PALM2AKAP2: variants seen among roughly 807,000 people sequenced by gnomAD.
PALM2AKAP2 encodes PALM2 and AKAP2 fusion.
In PALM2AKAP2, 37 loss-of-function variants were observed where a neutral mutation model predicts 71.5. The observed-to-expected ratio is 0.52, with a 90% confidence interval of 0.40 to 0.68. The LOEUF is 0.68. PALM2AKAP2 is among the 30% of genes least tolerant of loss of function. PALM2AKAP2 has a pLI of 0.00. For synonymous variants in PALM2AKAP2, 468 were observed against 478.8 expected, an observed-to-expected ratio of 0.98 and a Z score of 0.29; for missense variants, 1,224 against 1,191.8, an observed-to-expected ratio of 1.03 and a Z score of -0.40.
At chr9:110,061,060 A>G (rs1833955391) in intron 1 of PALM2AKAP2, among the ~76,000 whole-genome samples, 2 of 152,124 alleles carry the variant, frequency 1.3e-5, no homozygotes, top group African/African-American at 4.8e-5. Flanking sequence ...CACACCTTCT[A>G]AAGTACCTTG....
intron 1 of PALM2AKAP2, among the ~76,000 whole-genome samples, chr9:109,753,608 C>G (rs1828916937): frequency 6.6e-6 from 1 of 152,166 alleles, no homozygotes; most frequent in Non-Finnish European, 1.5e-5. Context: ...AGCACCTTTG[C>G]AAGTGTGTGT....
intron 1 of PALM2AKAP2, among the ~76,000 whole-genome samples, chr9:109,734,788 T>C (rs1394769598): frequency 6.6e-6 from 1 of 152,154 alleles, no homozygotes; most frequent in African/African-American, 2.4e-5. Context: ...ATTGCCCAGA[T>C]TGTAGGTTAC....
chr9:109,818,074 G>A (rs917019591), intron 1 of PALM2AKAP2, among the ~76,000 whole-genome samples: 1 of 152,160 alleles, frequency 6.6e-6, no homozygotes, highest in Admixed American at 6.5e-5. Flanking sequence ...CCTAGTGGAG[G>A]GAATTTCTTA....
intron 1 of PALM2AKAP2, among the ~76,000 whole-genome samples, chr9:110,114,821 A>G (rs1312115171): frequency 6.6e-6 from 1 of 152,214 alleles, no homozygotes; most frequent in African/African-American, 2.4e-5. Context: ...TCCTGTTTCC[A>G]TAATCAGTAT....
intron 1 of PALM2AKAP2, among the ~76,000 whole-genome samples, chr9:109,846,922 C>T (rs1054038512): frequency 3.3e-5 from 5 of 152,178 alleles, no homozygotes; most frequent in Non-Finnish European, 5.9e-5. Flanking sequence ...GACAGCACTT[C>T]GTCATTTGAA....
At chr9:109,677,404 A>G (rs1411146942) in intron 1 of PALM2AKAP2, among the ~76,000 whole-genome samples, 1 of 152,132 alleles carries the variant, frequency 6.6e-6, no homozygotes, top group Non-Finnish European at 1.5e-5. Context: ...GCGGTGGCTC[A>G]TGCCTGTAAT....
chr9:109,684,057 C>G (rs745881410), intron 1 of PALM2AKAP2, among the ~76,000 whole-genome samples: 3 of 152,172 alleles, frequency 2.0e-5, no homozygotes, highest in Middle Eastern at 3.4e-3. Context: ...ATGTCGCCAG[C>G]CTCTTTTGCT....
intron 6 of PALM2AKAP2, among the ~76,000 whole-genome samples, chr9:109,986,555 G>A (rs1019047954): frequency 6.6e-6 from 1 of 152,120 alleles, no homozygotes; most frequent in African/African-American, 2.4e-5. Context: ...CAGTGCTACG[G>A]CTTCTCTGAC....
At chr9:109,711,912 T>G (rs1395426863) in intron 1 of PALM2AKAP2, among the ~76,000 whole-genome samples, 1 of 152,158 alleles carries the variant, frequency 6.6e-6, no homozygotes, top group African/African-American at 2.4e-5. Context: ...TATCTATATA[T>G]ACTTATTAAT....
chr9:110,150,381 A>T (rs758816966), intron 2 of PALM2AKAP2, among the ~76,000 whole-genome samples: 2 of 152,186 alleles, frequency 1.3e-5, no homozygotes, highest in Admixed American at 1.3e-4. Context: ...TCTGGGGAAG[A>T]GTTCACTTTC....
chr9:109,838,325 C>T (rs145077624), intron 1 of PALM2AKAP2, among the ~76,000 whole-genome samples: 1,877 of 152,234 alleles, frequency 0.012, 39 homozygotes, highest in East Asian at 0.071. Context: ...TTCTTTGAAA[C>T]CAATGAGAAC....
At chr9:110,114,770 C>G (rs1182506270) in intron 1 of PALM2AKAP2, among the ~76,000 whole-genome samples, 8 of 152,204 alleles carry the variant, frequency 5.3e-5, no homozygotes, top group Non-Finnish European at 1.2e-4. Context: ...GCTTTGCAAG[C>G]AAATGGCGAT....
At chr9:109,808,657 C>A (rs1827642879) in intron 1 of PALM2AKAP2, among the ~76,000 whole-genome samples, 1 of 152,204 alleles carries the variant, frequency 6.6e-6, no homozygotes, top group Non-Finnish European at 1.5e-5. Flanking sequence ...AAGCCAGCTG[C>A]AGAAATTTGC....
chr9:109,836,362 A>G (rs1828476507), intron 1 of PALM2AKAP2, among the ~76,000 whole-genome samples: 1 of 152,224 alleles, frequency 6.6e-6, no homozygotes, highest in Non-Finnish European at 1.5e-5. Context: ...GGACATCGAC[A>G]CCAAAACCAC....
At position 109,894,024 on chromosome 9, in the gene PALM2AKAP2, T is replaced by TAA. The variant is rs552808725; in HGVS notation, c.257+13363_257+13364dup. On this transcript the variant is annotated intron_variant, in intron 3 of 9. Coordinates refer to the PALM2AKAP2 transcript ENST00000302798. ...CTTTTCTGCTTTCCAGTTGCTTATT[T>TAA]AAAAAAAAAAAAAAAAAAAAAGAAG... Among the ~76,000 whole-genome samples, 765 of 132,836 alleles carry TAA rather than the reference T, an allele frequency of 5.8e-3. 4 individuals are homozygous for TAA. The highest frequency in any genetic ancestry group is 0.019 in the African/African-American group (658 of 35,102). 87.1% of individuals were successfully genotyped at this position (132,836 alleles called of 152,430 possible).
intron 1 of PALM2AKAP2, among the ~76,000 whole-genome samples, chr9:109,791,077 G>A (rs1039886961): frequency 7.9e-5 from 12 of 152,182 alleles, no homozygotes; most frequent in African/African-American, 2.4e-4. Context: ...TAGGTTTGGC[G>A]GAGATGGGTC....
intron 6 of PALM2AKAP2, among the ~76,000 whole-genome samples, chr9:109,971,459 C>T (rs1832067924): frequency 6.6e-6 from 1 of 151,936 alleles, no homozygotes; most frequent in Admixed American, 6.6e-5. Flanking sequence ...CTGTTTTGTG[C>T]AGGGTGTCCA....
intron 1 of PALM2AKAP2, among the ~76,000 whole-genome samples, chr9:110,106,281 A>G (rs984218681): frequency 3.3e-5 from 5 of 152,246 alleles, no homozygotes; most frequent in African/African-American, 4.8e-5. Context: ...ACTTGTGACT[A>G]TAGCCTGGGA....
At chr9:109,739,415 A>G (rs1277377391) in intron 1 of PALM2AKAP2, among the ~76,000 whole-genome samples, 1 of 152,234 alleles carries the variant, frequency 6.6e-6, no homozygotes, top group Non-Finnish European at 1.5e-5. Context: ...AATAGATGTC[A>G]TGACTGAAGG....
Sources: allele counts gnomAD v4.1 joint callset (sites outside exome capture counted in the v4.1 genomes callset), GRCh38; gene constraint gnomAD v4.1.1; transcripts MANE v1.5; gene names NCBI Gene and HGNC (gene_info 2026-07-23, HGNC 2026-07-21).